The following EEFSEC variants were observed in gnomAD, a reference collection of about 807,000 sequenced individuals.
EEFSEC encodes selenocysteine-specific elongation factor.
EEFSEC carries 43 observed loss-of-function variants against 42.1 expected under a neutral mutation model. The observed-to-expected ratio is 1.02, with a 90% CI of 0.80 to 1.32. The LOEUF is 1.32. EEFSEC is among the 40% of genes most tolerant of loss of function. The probability of loss-of-function intolerance (pLI) is 0.00; values close to 1 mark genes in which losing one functional copy is unlikely to be tolerated. For synonymous variants in EEFSEC, 354 were observed against 339.1 expected (o/e 1.04, Z -0.48); for missense variants, 745 against 803.6 (o/e 0.93, Z 0.88).
At chr3:128,267,001 C>T (rs999042270) in intron 4 of EEFSEC, among the ~76,000 whole-genome samples, 2 of 152,104 alleles carry the variant, frequency 1.3e-5, no homozygotes, top group African/African-American at 2.4e-5. Context: ...ACCTGGCATC[C>T]CTTCCACTCT....
chr3:128,312,241 A>C (rs1163707604), intron 4 of EEFSEC, among the ~76,000 whole-genome samples: 1 of 152,230 alleles, frequency 6.6e-6, no homozygotes, highest in Non-Finnish European at 1.5e-5. Context: ...CCTGTGAAGT[A>C]GGGACTGTTA....
Position 128,325,642 on chromosome 3 carries a change from T to G in EEFSEC, c.787-15591T>G, listed in dbSNP as rs144729895. Among the ~76,000 whole-genome samples the G allele has an allele frequency of 4.5e-3, 692 of 152,344 alleles. 4 individuals are homozygous for G. Among genetic ancestry groups the G allele is most frequent in the African/African-American group, 0.015 (607 of 41,576 alleles). On this transcript the variant is annotated intron_variant, in intron 4 of 6. Transcript: ENST00000254730. The stretch of plus-strand genomic sequence containing the variant: ...TTTAGGTATTTCTTTTTGAACCTTT[T>G]CTTCATGTATGAAAGCAATGTGTGA...
At chr3:128,416,350 G>A in the EEFSEC span, among the ~76,000 whole-genome samples, 2 of 152,086 alleles carry the variant, frequency 1.3e-5, no homozygotes, top group Non-Finnish European at 2.9e-5. Context: ...TCCCCACAGC[G>A]GCCCTGCCCA....
At chr3:128,182,831 C>G (rs924634855) in intron 1 of EEFSEC, among the ~76,000 whole-genome samples, 3 of 142,370 alleles carry the variant, frequency 2.1e-5, no homozygotes, top group African/African-American at 7.9e-5. Context: ...GACCTGGCGA[C>G]CACTGTGGCT....
chr3:128,383,834 A>C (rs1307945811), intron 6 of EEFSEC, among the ~76,000 whole-genome samples: 1 of 152,250 alleles, frequency 6.6e-6, no homozygotes, highest in Admixed American at 6.5e-5. Context: ...TAAAAGCAGC[A>C]GCACATGAGC....
At chr3:128,240,397 T>A (rs2066057847) in intron 1 of EEFSEC, among the ~76,000 whole-genome samples, 1 of 152,134 alleles carries the variant, frequency 6.6e-6, no homozygotes, top group South Asian at 2.1e-4. Flanking sequence ...CCTGGTAAGG[T>A]TGTGATTTGA....
intron 1 of EEFSEC, among the ~76,000 whole-genome samples, chr3:128,210,269 G>A (rs1416668168): frequency 6.6e-6 from 1 of 152,212 alleles, no homozygotes; most frequent in African/African-American, 2.4e-5. Flanking sequence ...AGAGGTCATA[G>A]CAGCTCAGAC....
intron 1 of EEFSEC, among the ~76,000 whole-genome samples, chr3:128,176,030 A>G (rs2065344547): frequency 1.3e-5 from 2 of 152,226 alleles, no homozygotes; most frequent in South Asian, 4.1e-4. Flanking sequence ...GTGAGAATCC[A>G]ATGAGATAAG....
intron 1 of EEFSEC, among the ~76,000 whole-genome samples, chr3:128,158,195 G>A (rs572764203): frequency 2.0e-5 from 3 of 152,354 alleles, no homozygotes; most frequent in African/African-American, 7.2e-5. Flanking sequence ...TCAATCTTGA[G>A]TGGATGAGGA....
intron 2 of EEFSEC, among the ~76,000 whole-genome samples, chr3:128,250,504 G>T (rs1240127795): frequency 6.6e-6 from 1 of 152,104 alleles, no homozygotes; most frequent in East Asian, 1.9e-4. Context: ...TTGTTGAAAA[G>T]ATTGTCTTTT....
chr3:128,407,090 A>G (rs1185066154), intron 6 of EEFSEC, among the ~76,000 whole-genome samples: 1 of 152,232 alleles, frequency 6.6e-6, no homozygotes, highest in African/African-American at 2.4e-5. Flanking sequence ...GGCCATGATC[A>G]GCAGGGCTGC....
chr3:128,162,872 C>T (rs547273270), intron 1 of EEFSEC, among the ~76,000 whole-genome samples: 46 of 152,284 alleles, frequency 3.0e-4, no homozygotes, highest in African/African-American at 1.0e-3. Flanking sequence ...CCACAGCTTT[C>T]GGTAAAGCTG....
intron 4 of EEFSEC, among the ~76,000 whole-genome samples, chr3:128,270,668 C>A (rs932973781): frequency 6.6e-6 from 1 of 152,254 alleles, no homozygotes; most frequent in Non-Finnish European, 1.5e-5. Flanking sequence ...CATTTTCTTG[C>A]CCAAACAAGC....
chr3:128,299,586 A>G (rs1409411459), intron 4 of EEFSEC, among the ~76,000 whole-genome samples: 2 of 152,166 alleles, frequency 1.3e-5, no homozygotes, highest in African/African-American at 2.4e-5. Context: ...CTGTGAAGAC[A>G]AAAATATTTT....
intron 1 of EEFSEC, among the ~76,000 whole-genome samples, chr3:128,178,604 T>A (rs1305961931): frequency 2.0e-5 from 3 of 152,010 alleles, no homozygotes; most frequent in Non-Finnish European, 4.4e-5. Context: ...TGGCACTTTG[T>A]TTTTTTTCTA....
intron 6 of EEFSEC, among the ~76,000 whole-genome samples, chr3:128,384,530 C>T (rs1427257973): frequency 6.6e-6 from 1 of 152,184 alleles, no homozygotes; most frequent in Non-Finnish European, 1.5e-5. Flanking sequence ...TACCAAAGCC[C>T]TGTAGGCGGG....
intron 4 of EEFSEC, among the ~76,000 whole-genome samples, chr3:128,326,874 A>C (rs910326907): frequency 6.6e-6 from 1 of 150,832 alleles, no homozygotes; most frequent in Admixed American, 6.6e-5. Context: ...CTGGCCTCTC[A>C]TCTAGAGGAG....
intron 4 of EEFSEC, among the ~76,000 whole-genome samples, chr3:128,309,655 A>G (rs1045272561): frequency 4.6e-5 from 7 of 152,212 alleles, no homozygotes; most frequent in African/African-American, 1.4e-4. Flanking sequence ...GGGTGAAAGC[A>G]AGCTGAGAAA....
chr3:128,336,386 T>C (rs1207615932), intron 4 of EEFSEC, among the ~76,000 whole-genome samples: 1 of 152,184 alleles, frequency 6.6e-6, no homozygotes, highest in Non-Finnish European at 1.5e-5. Flanking sequence ...CCAAACTGTA[T>C]AGCCAGTTTG....
Sources: gnomAD v4.1 joint callset for allele counts (sites outside exome capture counted in the v4.1 genomes callset) on GRCh38, gnomAD v4.1.1 for gene constraint, MANE v1.5 for transcripts, NCBI Gene and HGNC (gene_info 2026-07-23, HGNC 2026-07-21) for gene names.